Variants in RNF220 observed in about 807,000 individuals in gnomAD.
The protein encoded by RNF220 is ring finger protein 220.
RNF220 carries 7 observed loss-of-function variants against 67.1 expected under a neutral mutation model. That is an observed-to-expected ratio of 0.10 (90% CI 0.06 to 0.20). RNF220 has a LOEUF of 0.20. Among genes scored for constraint, RNF220 ranks in the 10% least tolerant of loss-of-function variants. RNF220 has a pLI of 1.00. For missense variants in RNF220, 565 were observed against 740.3 expected, an observed-to-expected ratio of 0.76 and a Z score of 2.75; for synonymous variants, 270 against 283.2, an observed-to-expected ratio of 0.95 and a Z score of 0.47.
chr1:44,526,591 C>A (rs182706180), intron 2 of RNF220, among the ~76,000 whole-genome samples: 3 of 152,282 alleles, frequency 2.0e-5, no homozygotes, highest in Admixed American at 2.0e-4. Context: ...GGGCCCATCA[C>A]TCCTCCTCCT....
At chr1:44,539,054 C>G (rs1661468069) in intron 2 of RNF220, among the ~76,000 whole-genome samples, 1 of 151,746 alleles carries the variant, frequency 6.6e-6, no homozygotes, top group African/African-American at 2.4e-5. Flanking sequence ...AACCCCGTCT[C>G]TACTAAAAAT....
At chr1:44,493,915 G>A (rs1657082472) in intron 2 of RNF220, among the ~76,000 whole-genome samples, 1 of 151,984 alleles carries the variant, frequency 6.6e-6, no homozygotes, top group South Asian at 2.1e-4. Context: ...ATTAAAAAAG[G>A]AAAAAAATGG....
chr1:44,555,759 G>A (rs951102958), intron 2 of RNF220, among the ~76,000 whole-genome samples: 6 of 150,588 alleles, frequency 4.0e-5, no homozygotes, highest in African/African-American at 1.5e-4. Context: ...ACAGGCGTGA[G>A]CCACCGCGCC....
chr1:44,590,557 T>C (rs571903960), intron 2 of RNF220, among the ~76,000 whole-genome samples: 3 of 152,342 alleles, frequency 2.0e-5, no homozygotes, highest in African/African-American at 7.2e-5. Context: ...ACTTGGGTGA[T>C]TCTCTGCTGT....
chr1:44,406,808 G>GC (rs1466227025), intron 1 of RNF220, among the ~76,000 whole-genome samples: 5 of 152,200 alleles, frequency 3.3e-5, no homozygotes, highest in African/African-American at 7.2e-5. Flanking sequence ...CTTCCGTGTG[G>GC]CCCCCCGGGC....
intron 2 of RNF220, among the ~76,000 whole-genome samples, chr1:44,503,257 C>G (rs1417990908): frequency 6.8e-6 from 1 of 147,036 alleles, no homozygotes; most frequent in Non-Finnish European, 1.5e-5. Flanking sequence ...TCACTTGAAC[C>G]TGGAAGGCAG....
intron 2 of RNF220, among the ~76,000 whole-genome samples, chr1:44,537,742 C>T (rs530686246): frequency 2.6e-5 from 4 of 152,322 alleles, no homozygotes; most frequent in Admixed American, 6.5e-5. Context: ...TGACCCACCT[C>T]GCCCTAGTCA....
At chr1:44,520,084 A>AT (rs1355896833) in intron 2 of RNF220, among the ~76,000 whole-genome samples, 10 of 74,856 alleles carry the variant, frequency 1.3e-4, no homozygotes, top group Non-Finnish European at 8.3e-5. Flanking sequence ...GAAGTCCAGC[A>AT]TTGTGTGTGT....
intron 2 of RNF220, among the ~76,000 whole-genome samples, chr1:44,431,773 G>T (rs1650410435): frequency 1.3e-5 from 2 of 152,208 alleles, no homozygotes; most frequent in Admixed American, 6.5e-5. Context: ...TCTGTTTGTT[G>T]CAGGATCAGA....
At chr1:44,501,767 G>C (rs1286599219) in intron 2 of RNF220, among the ~76,000 whole-genome samples, 1 of 152,132 alleles carries the variant, frequency 6.6e-6, no homozygotes. Flanking sequence ...GGTTGGTGCA[G>C]GAGAGGGGGG....
At chr1:44,473,659 G>A (rs953412075) in intron 2 of RNF220, among the ~76,000 whole-genome samples, 1 of 152,144 alleles carries the variant, frequency 6.6e-6, no homozygotes, top group East Asian at 1.9e-4. Flanking sequence ...CCTGATTGAA[G>A]ATAATTTCCT....
intron 2 of RNF220, among the ~76,000 whole-genome samples, chr1:44,457,601 G>A (rs1653326635): frequency 6.6e-6 from 1 of 151,822 alleles, no homozygotes; most frequent in Non-Finnish European, 1.5e-5. Context: ...GGTAGATGGT[G>A]GAAATTAAAA....
intron 2 of RNF220, among the ~76,000 whole-genome samples, chr1:44,462,958 C>A (rs1053780925): frequency 6.6e-6 from 1 of 151,628 alleles, no homozygotes; most frequent in African/African-American, 2.4e-5. Context: ...ACCCAGGAGG[C>A]GGAGCTTGCA....
rs186680900 is a variant in RNF220, at chr1:44,524,372, G to A, written c.626-89793G>A. 1.3e-3 allele frequency among the ~76,000 whole-genome samples: 194 copies of A among 152,154 alleles called. 2 individuals are homozygous for A. Among genetic ancestry groups the A allele is most frequent in the African/African-American group, 4.5e-3 (188 of 41,508 alleles). On this transcript the variant is annotated intron_variant, in intron 2 of 14. Transcript: ENST00000361799. ...GTAATTCAACTTCCTGTGTTTTATG[G>A]AAGCAGGCTGTTGGGGGCAGAGAGT... is the stretch of plus-strand genomic sequence containing the variant.
intron 2 of RNF220, among the ~76,000 whole-genome samples, chr1:44,421,714 A>G (rs1572445413): frequency 6.6e-6 from 1 of 152,098 alleles, no homozygotes; most frequent in Non-Finnish European, 1.5e-5. Context: ...CTGAACGCAC[A>G]AATAAACTCA....
intron 2 of RNF220, among the ~76,000 whole-genome samples, chr1:44,443,649 G>A (rs1651783336): frequency 2.6e-5 from 4 of 152,116 alleles, no homozygotes; most frequent in Admixed American, 2.6e-4. Context: ...GCAGTATGTA[G>A]CTGTTAATGA....
intron 2 of RNF220, among the ~76,000 whole-genome samples, chr1:44,493,182 G>A (rs1657009653): frequency 6.6e-6 from 1 of 152,180 alleles, no homozygotes; most frequent in South Asian, 2.1e-4. Flanking sequence ...TTAAATTGTT[G>A]TGTAAAATTA....
intron 2 of RNF220, among the ~76,000 whole-genome samples, chr1:44,584,343 C>T (rs1665538547): frequency 6.6e-6 from 1 of 152,244 alleles, no homozygotes; most frequent in African/African-American, 2.4e-5. Context: ...AGGAGCTGTC[C>T]AGAGCGTGGT....
At chr1:44,568,310 G>T (rs898643072) in intron 2 of RNF220, among the ~76,000 whole-genome samples, 3 of 152,204 alleles carry the variant, frequency 2.0e-5, no homozygotes, top group Non-Finnish European at 4.4e-5. Context: ...CACTGGCCGT[G>T]TGGCAGCTCC....
Sources: allele counts gnomAD v4.1 joint callset (sites outside exome capture counted in the v4.1 genomes callset), GRCh38; gene constraint gnomAD v4.1.1; transcripts MANE v1.5; gene names NCBI Gene and HGNC (gene_info 2026-07-23, HGNC 2026-07-21).